The following CLK1 variants were observed in gnomAD, a reference collection of about 807,000 sequenced individuals.
CLK1 encodes the protein CDC like kinase 1, also known as dual specificity protein kinase CLK1.
CLK1 carries 40 observed loss-of-function variants against 60.9 expected under a neutral mutation model. That is an observed-to-expected ratio of 0.66 (90% CI 0.51 to 0.86). CLK1 has a LOEUF of 0.86. Ranked by LOEUF, CLK1 falls within the 40% of genes least tolerant of loss-of-function variation. The probability of loss-of-function intolerance (pLI) is 0.00; values close to 1 mark genes in which losing one functional copy is unlikely to be tolerated. For missense variants in CLK1, 563 were observed against 606.1 expected, an observed-to-expected ratio of 0.93 and a Z score of 0.75; for synonymous variants, 203 against 184.4, an observed-to-expected ratio of 1.10 and a Z score of -0.82.
intron 7 of CLK1, chr2:200,857,337 GA>G (rs1448113449): frequency 3.8e-6 from 1 of 261,804 alleles, no homozygotes; most frequent in African/African-American, 2.2e-5. Flanking sequence ...AAAAACCTCT[GA>G]TTCCTTTCCC....
chr2:200,853,963 TA>T lies in CLK1; in HGVS notation c.1250del (p.Leu417Ter). 1 of 1,611,140 alleles carries T rather than the reference TA, an allele frequency of 6.2e-7. No homozygotes were observed. Among genetic ancestry groups the T allele is most frequent in the Non-Finnish European group, 8.5e-7 (1 of 1,178,612 alleles). ...CGGCAGAACTGTGTTCATCCCAGTC[TA>T]ATCGATCGTGGTGAAAATATTTACG... Reference protein sequence around the residue: ...RKRKYFHHDRLDWDEHSSAGR... With the variant: ...RKRKYFHHDRXDWDEHSSAGR... On this transcript the variant is annotated frameshift_variant, in exon 12 of 13. Coordinates refer to ENST00000321356, the MANE Select transcript of CLK1 (RefSeq NM_004071.4). LOFTEE classifies it high-confidence loss of function.
chr2:200,859,681 C>CT lies in CLK1; in HGVS notation c.546dup (p.Ala183SerfsTer4). The CT allele has an allele frequency of 6.2e-7, 1 of 1,612,566 alleles. No individual in the cohort carries two copies. Among genetic ancestry groups the CT allele is most frequent in the Non-Finnish European group, 8.5e-7 (1 of 1,179,268 alleles). On this transcript the variant is annotated frameshift_variant and splice_region_variant, in exon 5 of 13. Transcript: ENST00000321356. LOFTEE classifies it high-confidence loss of function. ...GTAATCCCAACATGGGAAACTTACG[C>CT]TTTATGATCGATGCACTCCACAACT...
Position 200,854,993 on chromosome 2 carries a change from T to C in CLK1, c.1140+11A>G, listed in dbSNP as rs770149713. Reference sequence around the variant, plus strand: ...TGCAAAGCAAGGTTGAAATAGATCATTGTCACTTACTGGAAATACGGTAAA... The same window carrying C: ...TGCAAAGCAAGGTTGAAATAGATCACTGTCACTTACTGGAAATACGGTAAA... On this transcript the variant is annotated intron_variant, in intron 10 of 12. Transcript: ENST00000321356. The C allele has an allele frequency of 2.2e-5, 35 of 1,596,190 alleles. 1 individual carries two copies. In the South Asian group the frequency reaches 2.6e-4, roughly 12 times the overall value.
At chr2:200,853,525 C>CAT (rs894340760) in intron 12 of CLK1, 76 bp from the exon 13 acceptor site, 129 of 1,285,158 alleles carry the variant, frequency 1.0e-4, no homozygotes, top group Non-Finnish European at 1.3e-4. Context: ...TATAGTAAAC[C>CAT]ATATATATAT....
Position 200,861,245 on chromosome 2 carries a change from G to A in CLK1, c.383C>T (p.Ser128Leu), listed in dbSNP as rs138511826. 1.0e-4 allele frequency: 169 copies of A among 1,614,014 alleles called. No individual in the cohort carries two copies. In the African/African-American group the frequency reaches 2.1e-3, roughly 20 times the overall value. The change falls in exon 3 of 13, where the codon TCA becomes TTA. Residue 128 changes from serine to leucine, a missense_variant. Physicochemically the swap from Ser to Leu is moderately radical, Grantham distance 145. Coordinates refer to ENST00000321356, the MANE Select transcript of CLK1 (RefSeq NM_004071.4). ...RIHHSTSHRR[S>L]HGKSHRRKRT... ...TTTTAAAAACGTTCATACCCCATGT[G>A]AACGACGATGTGAAGTACTGTGGTG...
At chr2:200,855,148 A>T in intron 9 of CLK1, 62 bp from the exon 10 acceptor site, 1 of 1,314,796 alleles carries the variant, frequency 7.6e-7, no homozygotes, top group Non-Finnish European at 1.1e-6. Context: ...GAAATTAAAA[A>T]GTTAGTTAAC....
chr2:200,859,951 AACATT>A (rs768353817), intron 4 of CLK1, 169 bp downstream of exon 4: 22 of 1,433,370 alleles, frequency 1.5e-5, no homozygotes, highest in Non-Finnish European at 2.0e-5. Context: ...CTATATAACA[AACATT>A]ACATTTCTAA....
intron 7 of CLK1, chr2:200,857,420 T>G (rs2039061948): frequency 3.6e-6 from 1 of 281,152 alleles, no homozygotes; most frequent in Non-Finnish European, 6.7e-6. Flanking sequence ...TATGAAGCTT[T>G]CTTTTATGAG....
At chr2:200,860,939 C>CA (rs1460003894) in intron 3 of CLK1, 2 of 1,139,304 alleles carry the variant, frequency 1.8e-6, no homozygotes, top group Non-Finnish European at 2.2e-6. Flanking sequence ...TGAAGTACCA[C>CA]AAAAAACCCT....
At chr2:200,856,650 A>G in intron 9 of CLK1, 32 bp downstream of exon 9, 1 of 1,533,782 alleles carries the variant, frequency 6.5e-7, no homozygotes, top group Non-Finnish European at 8.7e-7. Flanking sequence ...ATAAGGAAAT[A>G]CAAAGGTTCT....
At chr2:200,855,282 C>G (rs2039019814) in intron 9 of CLK1, among the ~76,000 whole-genome samples, 196 bp from the exon 10 acceptor site, 1 of 151,728 alleles carries the variant, frequency 6.6e-6, no homozygotes, top group African/African-American at 2.4e-5. Flanking sequence ...TCAAGACCAG[C>G]CTGGGCAACA....
At position 200,860,124 on chromosome 2, in the gene CLK1, C is replaced by T. The variant is rs770531950; in HGVS notation, c.481+1G>A. On this transcript the variant is annotated splice_donor_variant, in intron 4 of 12. Transcript: ENST00000321356. LOFTEE classifies it high-confidence loss of function. Reference sequence around the variant, plus strand: ...AATAAGTGTTGAAAAATATTCTATACATCTTGCACTTAGTACGTCTCCACT... The same window carrying T: ...AATAAGTGTTGAAAAATATTCTATATATCTTGCACTTAGTACGTCTCCACT... 6.2e-7 allele frequency: 1 copy of T among 1,612,422 alleles called. No individual in the cohort carries two copies. The highest frequency in any genetic ancestry group is 2.2e-5 in the East Asian group (1 of 44,886).
chr2:200,858,133 GC>G lies in CLK1; in HGVS notation c.549-45del. ...CAAATTTAAGAATGACAGACATGAT[GC>G]TCAATTCCAGGTATTACTGTCTTCA... is the stretch of plus-strand genomic sequence containing the variant. On this transcript the variant is annotated intron_variant, in intron 5 of 12. Coordinates refer to ENST00000321356, the MANE Select transcript of CLK1 (RefSeq NM_004071.4). The G allele has an allele frequency of 1.6e-6, 2 of 1,231,974 alleles. 1 individual carries two copies. Among genetic ancestry groups the G allele is most frequent in the Non-Finnish European group, 2.4e-6 (2 of 832,430 alleles). 76.3% of individuals were successfully genotyped at this position (1,231,974 alleles called of 1,614,324 possible).
Position 200,857,596 on chromosome 2 carries a change from A to G in CLK1, c.832+122T>C, listed in dbSNP as rs774453008. ...CAACAGCCTGTAATCAAATCTCTTC[A>G]TACCTATTCTTCCTCCCCCTTTATT... On this transcript the variant is annotated intron_variant, in intron 7 of 12. Coordinates refer to ENST00000321356, the MANE Select transcript of CLK1 (RefSeq NM_004071.4). The G allele has an allele frequency of 9.0e-6, 7 of 781,612 alleles. No homozygotes were observed. In the South Asian group the frequency reaches 1.0e-4, roughly 11 times the overall value. 48.4% of individuals were successfully genotyped at this position (781,612 alleles called of 1,614,324 possible).
chr2:200,862,674 AAC>A (rs1241871303), intron 1 of CLK1, among the ~76,000 whole-genome samples: 2 of 152,242 alleles, frequency 1.3e-5, no homozygotes, highest in Admixed American at 6.5e-5. Context: ...AGACACGTGA[AAC>A]ACACGTCATT....
chr2:200,860,502 A>G (rs1051188877), intron 3 of CLK1: 2 of 1,127,044 alleles, frequency 1.8e-6, no homozygotes, highest in African/African-American at 1.6e-5. Flanking sequence ...CTTAAAAAAA[A>G]AAAATGCTTA....
chr2:200,861,986 C>A (rs776552417), intron 1 of CLK1, 124 bp from the exon 2 acceptor site: 1 of 716,580 alleles, frequency 1.4e-6, no homozygotes, highest in Non-Finnish European at 2.3e-6. Flanking sequence ...CATTATCACC[C>A]AATCTGAAAT....
At chr2:200,861,600 T>C (rs1005194575) in intron 2 of CLK1, 102 bp downstream of exon 2, 1 of 1,559,352 alleles carries the variant, frequency 6.4e-7, no homozygotes, top group Non-Finnish European at 8.7e-7. Context: ...AATCTCTCAT[T>C]GGAAACAAAC....
Position 200,853,539 on chromosome 2 carries a change from C to G in CLK1, c.1312-90G>C, listed in dbSNP as rs2038982423. The G allele has an allele frequency of 3.2e-6, 4 of 1,233,836 alleles. No homozygotes were observed. The South Asian group carries it at 6.3e-5, about 19-fold the overall frequency. 76.4% of individuals were successfully genotyped at this position (1,233,836 alleles called of 1,614,324 possible). ...GTATAGTAAACCATATATATATAACCACCATAAAAACAGAAAAGAGGCCAG... is the reference window on the plus strand; with the variant it reads ...GTATAGTAAACCATATATATATAACGACCATAAAAACAGAAAAGAGGCCAG... On this transcript the variant is annotated intron_variant, in intron 12 of 12. Coordinates refer to ENST00000321356, the MANE Select transcript of CLK1 (RefSeq NM_004071.4).
Sources: gnomAD v4.1 joint callset for allele counts (sites outside exome capture counted in the v4.1 genomes callset) on GRCh38, gnomAD v4.1.1 for gene constraint, MANE v1.5 for transcripts, NCBI Gene and HGNC (gene_info 2026-07-23, HGNC 2026-07-21) for gene names.